Variants in NCOA3 observed in about 807,000 individuals in gnomAD.
The protein encoded by NCOA3 is nuclear receptor coactivator 3.
Under a neutral mutation model 158.8 loss-of-function variants are expected in NCOA3, and 51 were observed. The ratio of observed to expected loss-of-function variants is 0.32; its 90% CI spans 0.26 to 0.41. The LOEUF is 0.41. Ranked by LOEUF, NCOA3 falls within the 10% of genes least tolerant of loss-of-function variation. The pLI, the probability that NCOA3 is intolerant of heterozygous loss-of-function variation, is 1.00. For synonymous variants in NCOA3, 537 were observed against 592.4 expected, an observed-to-expected ratio of 0.91 and a Z score of 1.36; for missense variants, 1,510 against 1,746.6, an observed-to-expected ratio of 0.86 and a Z score of 2.41.
intron 14 of NCOA3, 43 bp downstream of exon 14, chr20:47,639,245 G>A (rs761090538): frequency 9.3e-6 from 14 of 1,510,514 alleles, no homozygotes; most frequent in Non-Finnish European, 1.3e-5. Context: ...TTTGGGAAAA[G>A]CATATTTAAA....
intron 8 of NCOA3, among the ~76,000 whole-genome samples, chr20:47,632,939 C>T (rs148525212): frequency 1.1e-3 from 164 of 152,276 alleles, no homozygotes; most frequent in Middle Eastern, 6.8e-3. Context: ...CCTTGGCCTC[C>T]CAAAGTGTTG....
chr20:47,533,651 A>G (rs2084586694), intron 1 of NCOA3, among the ~76,000 whole-genome samples: 1 of 152,138 alleles, frequency 6.6e-6, no homozygotes, highest in African/African-American at 2.4e-5. Flanking sequence ...GAGCTAGGCC[A>G]GGTGCACTGG....
intron 1 of NCOA3, among the ~76,000 whole-genome samples, chr20:47,558,063 T>TC (rs1292852256): frequency 6.8e-6 from 1 of 147,696 alleles, no homozygotes; most frequent in East Asian, 1.9e-4. Context: ...TTCTTTCTTT[T>TC]TTTTTTTTTT....
At chr20:47,604,332 T>G (rs1039543556) in intron 2 of NCOA3, among the ~76,000 whole-genome samples, 1 of 152,186 alleles carries the variant, frequency 6.6e-6, no homozygotes, top group African/African-American at 2.4e-5. Context: ...AGCTGTTAAG[T>G]CTGTGTTCTT....
At position 47,636,015 on chromosome 20, in the gene NCOA3, A is replaced by G; in HGVS notation, c.1629A>G (p.Ser543=). 3 of 1,614,118 alleles carry G rather than the reference A, an allele frequency of 1.9e-6. No homozygotes were observed. The highest frequency in any genetic ancestry group is 2.5e-6 in the Non-Finnish European group (3 of 1,180,018). Residue 543 remains serine, a synonymous_variant, in exon 12 of 23, where the codon TCA becomes TCG. Transcript: ENST00000371998. The part of the protein sequence containing the change: ...VGTSLLSTLS[S]PGPKLDNSPN... ...CTTCCCTTTTATCTACTCTGTCATC[A>G]CCAGGCCCCAAATTGGATAACTCTC...
Position 47,639,679 on chromosome 20 carries a change from C to T in NCOA3, c.2810C>T (p.Ser937Phe). Residue 937 changes from serine to phenylalanine, a missense_variant, in exon 15 of 23, where the codon TCC becomes TTC. Physicochemically the swap from Ser to Phe is radical, Grantham distance 155 (BLOSUM62 -2). Around this residue, in one of 4 missense-constraint regions of NCOA3, gnomAD observed 1,017 missense variants for 1,098.3 expected, o/e 0.93. Transcript: ENST00000371998. ...AGAATGGAACCTATGAATTCAAACTCCATGGGAAGACCAGGAGGAGATTAT... is the reference window on the plus strand; with the variant it reads ...AGAATGGAACCTATGAATTCAAACTTCATGGGAAGACCAGGAGGAGATTAT... ...AGRMEPMNSNSMGRPGGDYNT... is the reference protein window; with the variant it reads ...AGRMEPMNSNFMGRPGGDYNT... 1 of 1,614,106 alleles carries T rather than the reference C, an allele frequency of 6.2e-7. No homozygotes were observed. Among genetic ancestry groups the T allele is most frequent in the East Asian group, 2.2e-5 (1 of 44,888 alleles).
At chr20:47,653,141 C>G in intron 22 of NCOA3, 69 bp downstream of exon 22, 1 of 1,523,216 alleles carries the variant, frequency 6.6e-7, no homozygotes, top group South Asian at 1.2e-5. Context: ...AAAGCCTAGG[C>G]TATAATCAGA....
intron 2 of NCOA3, among the ~76,000 whole-genome samples, chr20:47,605,549 T>C (rs2085933022): frequency 6.6e-6 from 1 of 152,160 alleles, no homozygotes. Flanking sequence ...TCACCTTCCT[T>C]TCATGAGTTT....
At chr20:47,577,131 G>A (rs1009477022) in intron 1 of NCOA3, among the ~76,000 whole-genome samples, 5 of 152,104 alleles carry the variant, frequency 3.3e-5, no homozygotes, top group Non-Finnish European at 5.9e-5. Context: ...GGATAGTATC[G>A]TTGTATAAGC....
intron 2 of NCOA3, among the ~76,000 whole-genome samples, chr20:47,600,285 C>A (rs991815803): frequency 6.6e-6 from 1 of 151,846 alleles, no homozygotes; most frequent in Non-Finnish European, 1.5e-5. Flanking sequence ...CGCCATTCTC[C>A]TGCCTTAGCC....
chr20:47,639,554 C>T lies in NCOA3; in HGVS notation c.2708-23C>T, dbSNP rs150817515. On this transcript the variant is annotated intron_variant, in intron 14 of 22. Transcript: ENST00000371998. ...GATTTCATTATAATATGGAAAAGACCTAAGTATGGCTACCTGTTTTAGGTG... is the reference window on the plus strand; with the variant it reads ...GATTTCATTATAATATGGAAAAGACTTAAGTATGGCTACCTGTTTTAGGTG... The T allele has an allele frequency of 1.8e-4, 295 of 1,611,546 alleles. 1 individual carries two copies. In the East Asian group the frequency reaches 6.5e-3, roughly 35 times the overall value.
In NCOA3 at chr20:47,635,632, C is replaced by A. The variant is rs774461880; in HGVS notation, c.1423C>A (p.Pro475Thr). 8.7e-6 allele frequency: 14 copies of A among 1,614,138 alleles called. No individual in the cohort carries two copies. The highest frequency in any genetic ancestry group is 1.2e-5 in the Non-Finnish European group (14 of 1,180,022). The change falls in exon 11 of 23, where the codon CCA (proline) becomes ACA (threonine). Residue 475 changes from proline (P) to threonine (T), a missense_variant. By Grantham distance (38) the Pro-to-Thr change is conservative. Coordinates refer to ENST00000371998, the MANE Select transcript of NCOA3 (RefSeq NM_181659.3). ...SPPHGSPGLA[P>T]NQQNIMISPR... ...CCCACATGGGAGTCCTGGTCTTGCCCCAAACCAGCAGAATATCATGATTTC... is the reference window on the plus strand; with the variant it reads ...CCCACATGGGAGTCCTGGTCTTGCCACAAACCAGCAGAATATCATGATTTC...
At chr20:47,614,394 T>C (rs1041673410) in intron 2 of NCOA3, among the ~76,000 whole-genome samples, 10 of 152,246 alleles carry the variant, frequency 6.6e-5, no homozygotes, top group African/African-American at 1.9e-4. Context: ...TTTTTTCTGA[T>C]TGACTTGAGC....
chr20:47,610,223 A>G (rs1472751578), intron 2 of NCOA3, among the ~76,000 whole-genome samples: 1 of 152,148 alleles, frequency 6.6e-6, no homozygotes, highest in African/African-American at 2.4e-5. Context: ...TATGGAAACT[A>G]TTATTATTGT....
At chr20:47,514,939 C>T (rs1358148008) in intron 1 of NCOA3, among the ~76,000 whole-genome samples, 1 of 151,472 alleles carries the variant, frequency 6.6e-6, no homozygotes, top group Admixed American at 6.6e-5. Flanking sequence ...CTTGCCTCAG[C>T]CTCCCAAAGT....
intron 4 of NCOA3, among the ~76,000 whole-genome samples, chr20:47,624,493 G>A (rs1381306174): frequency 6.6e-6 from 1 of 152,140 alleles, no homozygotes; most frequent in African/African-American, 2.4e-5. Context: ...ACAGGATGTA[G>A]AACTCAGGTG....
chr20:47,625,284 C>CATG, intron 4 of NCOA3, 97 bp from the exon 5 acceptor site: 2 of 741,828 alleles, frequency 2.7e-6, no homozygotes, highest in African/African-American at 3.5e-5. Flanking sequence ...TGGGCATGTG[C>CATG]ATGTGTATCT....
At chr20:47,514,484 T>C (rs933489216) in intron 1 of NCOA3, among the ~76,000 whole-genome samples, 1 of 152,010 alleles carries the variant, frequency 6.6e-6, no homozygotes, top group Non-Finnish European at 1.5e-5. Flanking sequence ...ACCTCCCAGG[T>C]TCAAGCGATT....
chr20:47,538,335 G>A (rs1485684594), intron 1 of NCOA3, among the ~76,000 whole-genome samples: 4 of 152,184 alleles, frequency 2.6e-5, no homozygotes, highest in South Asian at 2.1e-4. Flanking sequence ...CGTTAGAAGC[G>A]AAGAATAATA....
Sources: gnomAD v4.1 joint callset for allele counts (sites outside exome capture counted in the v4.1 genomes callset) on GRCh38, gnomAD v4.1.1 for gene constraint, gnomAD v4.1.1 regional missense constraint, MANE v1.5 for transcripts, NCBI Gene and HGNC (gene_info 2026-07-23, HGNC 2026-07-21) for gene names.